The following CHMP4B variants were observed in gnomAD, a reference collection of about 807,000 sequenced individuals.
CHMP4B encodes SNF7 homolog associated with Alix 1.
CHMP4B carries 1 observed loss-of-function variant against 25.1 expected under a neutral mutation model. The ratio of observed to expected loss-of-function variants is 0.04; its 90% confidence interval spans 0.01 to 0.19. CHMP4B has a LOEUF of 0.19. CHMP4B is among the 10% of genes least tolerant of loss of function. The probability of loss-of-function intolerance (pLI) is 1.00; values close to 1 mark genes in which losing one functional copy is unlikely to be tolerated. For synonymous variants in CHMP4B, 101 were observed against 115.6 expected, an observed-to-expected ratio of 0.87 and a Z score of 0.81; for missense variants, 151 against 289.7, an observed-to-expected ratio of 0.52 and a Z score of 3.48.
intron 1 of CHMP4B, among the ~76,000 whole-genome samples, chr20:33,846,216 C>G (rs939027417): frequency 2.0e-5 from 3 of 152,176 alleles, no homozygotes; most frequent in Non-Finnish European, 4.4e-5. Flanking sequence ...TGCCAGTTAC[C>G]TGGGCTGAGT....
At chr20:33,848,705 A>G in intron 2 of CHMP4B, 61 bp downstream of exon 2, 1 of 1,578,380 alleles carries the variant, frequency 6.3e-7, no homozygotes, top group South Asian at 1.1e-5. Flanking sequence ...CCTCGTACCC[A>G]GGCCATGGCC....
At chr20:33,847,398 T>C (rs1287778651) in intron 1 of CHMP4B, among the ~76,000 whole-genome samples, 1 of 152,180 alleles carries the variant, frequency 6.6e-6, no homozygotes, top group Non-Finnish European at 1.5e-5. Context: ...TCTGGTCTCC[T>C]ACAGTCATAT....
rs1978823757 is a variant in CHMP4B, at chr20:33,817,831, C to T, written c.190+6173C>T. Among the ~76,000 whole-genome samples, 3 of 152,148 alleles carry T rather than the reference C, an allele frequency of 2.0e-5. No individual in the cohort carries two copies. In the South Asian group the frequency reaches 6.2e-4, roughly 32 times the overall value. ...TTAGAAGGGGAAAATCTGAGCATAG[C>T]AATGGGAAACTACAGATCTAGCTGT... On this transcript the variant is annotated intron_variant, in intron 1 of 4. Transcript: ENST00000217402.
intron 1 of CHMP4B, among the ~76,000 whole-genome samples, chr20:33,832,255 C>T (rs1189110833): frequency 6.6e-6 from 1 of 152,148 alleles, no homozygotes; most frequent in African/African-American, 2.4e-5. Context: ...GGAAGAAAAG[C>T]CAGTCGGAAA....
intron 1 of CHMP4B, among the ~76,000 whole-genome samples, chr20:33,821,552 G>C (rs984317692): frequency 1.3e-5 from 2 of 152,174 alleles, no homozygotes; most frequent in African/African-American, 4.8e-5. Context: ...TCCTCCAGTA[G>C]GCTGAGGAAT....
intron 1 of CHMP4B, among the ~76,000 whole-genome samples, chr20:33,838,169 T>C (rs1239163261): frequency 6.6e-6 from 1 of 152,234 alleles, no homozygotes; most frequent in African/African-American, 2.4e-5. Context: ...ACTTTGTTAC[T>C]TTGAGGAGGT....
intron 1 of CHMP4B, among the ~76,000 whole-genome samples, chr20:33,838,423 G>C (rs1221073544): frequency 6.6e-6 from 1 of 152,194 alleles, no homozygotes; most frequent in Non-Finnish European, 1.5e-5. Context: ...GATGGCTGCT[G>C]CTCTGCTCTA....
At chr20:33,834,786 A>T (rs1403106790) in intron 1 of CHMP4B, among the ~76,000 whole-genome samples, 1 of 151,954 alleles carries the variant, frequency 6.6e-6, no homozygotes, top group East Asian at 1.9e-4. Flanking sequence ...TCTGTTCGTG[A>T]TTCCTATTTA....
In CHMP4B at chr20:33,820,965, A is replaced by G. The variant is rs142483326; in HGVS notation, c.190+9307A>G. ...TAAATTTAGAGTATAGTTTATTCTG[A>G]TAATTAATTTGCTTAATTATTCAGT... is the stretch of plus-strand genomic sequence containing the variant. On this transcript the variant is annotated intron_variant, in intron 1 of 4. Transcript: ENST00000217402. Among the ~76,000 whole-genome samples, 267 of 152,368 alleles carry G rather than the reference A, an allele frequency of 1.8e-3. 1 individual carries two copies. The highest frequency in any genetic ancestry group is 6.2e-3 in the African/African-American group (258 of 41,586).
At chr20:33,835,075 C>T (rs541576447) in intron 1 of CHMP4B, among the ~76,000 whole-genome samples, 2 of 152,292 alleles carry the variant, frequency 1.3e-5, no homozygotes, top group South Asian at 2.1e-4. Flanking sequence ...GGATTACAAG[C>T]GTGAGCCATC....
rs1291441351 is a variant in CHMP4B at position 33,854,332 on chromosome 20, G to A, written c.*772G>A. 2 of 152,786 alleles carry A rather than the reference G, an allele frequency of 1.3e-5. No individual in the cohort carries two copies. 9.5% of individuals were successfully genotyped at this position (152,786 alleles called of 1,614,324 possible). On this transcript the variant is annotated 3_prime_UTR_variant, in exon 5 of 5. Transcript: ENST00000217402. The stretch of plus-strand genomic sequence containing the variant: ...TTATATTCAGATGAAATTATGGTTT[G>A]CACTGTCTATTAAATATCTCGATTA...
At chr20:33,851,223 C>T (rs1979838210) in intron 3 of CHMP4B, among the ~76,000 whole-genome samples, 157 bp downstream of exon 3, 1 of 152,206 alleles carries the variant, frequency 6.6e-6, no homozygotes, top group Non-Finnish European at 1.5e-5. Flanking sequence ...TTGAGGGACA[C>T]TTTCTCTATT....
chr20:33,853,414 G>A (rs549392296), intron 4 of CHMP4B, 82 bp from the exon 5 acceptor site: 1 of 1,302,610 alleles, frequency 7.7e-7, no homozygotes, highest in East Asian at 2.3e-5. Flanking sequence ...CAGACACCAT[G>A]GAGCACAGGC....
At chr20:33,843,502 C>T (rs1376981516) in intron 1 of CHMP4B, among the ~76,000 whole-genome samples, 1 of 152,180 alleles carries the variant, frequency 6.6e-6, no homozygotes, top group Non-Finnish European at 1.5e-5. Flanking sequence ...TTTAGCTGAA[C>T]AGCTTCTCTT....
At position 33,843,180 on chromosome 20, in the gene CHMP4B, A is replaced by C. The variant is rs530052015; in HGVS notation, c.191-5287A>C. Among the ~76,000 whole-genome samples, 9 of 152,330 alleles carry C rather than the reference A, an allele frequency of 5.9e-5. No homozygotes were observed. In the South Asian group the frequency reaches 1.9e-3, roughly 32 times the overall value. On this transcript the variant is annotated intron_variant, in intron 1 of 4. Coordinates refer to ENST00000217402, the MANE Select transcript of CHMP4B (RefSeq NM_176812.5). ...CTCTAAATAGCTGTTTGGAGGGGCTAATGAAGCAACTGTCTGGAGACCAAT... is the reference window on the plus strand; with the variant it reads ...CTCTAAATAGCTGTTTGGAGGGGCTCATGAAGCAACTGTCTGGAGACCAAT...
chr20:33,833,691 T>G (rs1193901521), intron 1 of CHMP4B, among the ~76,000 whole-genome samples: 1 of 152,218 alleles, frequency 6.6e-6, no homozygotes, highest in Non-Finnish European at 1.5e-5. Context: ...TTCCCTCCCC[T>G]ATTTTCTCAT....
In CHMP4B at chr20:33,811,701, C is replaced by G. The variant is rs764275596; in HGVS notation, c.190+43C>G. The G allele has an allele frequency of 4.4e-6, 7 of 1,591,252 alleles. No individual in the cohort carries two copies. In the Admixed American group the frequency reaches 8.8e-5, roughly 20 times the overall value. On this transcript the variant is annotated intron_variant, in intron 1 of 4. Coordinates refer to ENST00000217402, the MANE Select transcript of CHMP4B (RefSeq NM_176812.5). ...CTTCAGACTTGCCACGGGCTCCCCC[C>G]AGGCTCCCCGGGCCCGGACTTCACC...
chr20:33,838,609 C>T (rs976685746), intron 1 of CHMP4B, among the ~76,000 whole-genome samples: 1 of 152,226 alleles, frequency 6.6e-6, no homozygotes, highest in Non-Finnish European at 1.5e-5. Context: ...CATGGGTGCT[C>T]AGTTTTAGCC....
At chr20:33,818,184 A>T (rs1829895671) in intron 1 of CHMP4B, among the ~76,000 whole-genome samples, 1 of 152,216 alleles carries the variant, frequency 6.6e-6, no homozygotes, top group African/African-American at 2.4e-5. Context: ...AGTCTTAGGG[A>T]CAGTAAGGCT....
Sources: allele counts gnomAD v4.1 joint callset (sites outside exome capture counted in the v4.1 genomes callset), GRCh38; gene constraint gnomAD v4.1.1; transcripts MANE v1.5; gene names NCBI Gene and HGNC (gene_info 2026-07-23, HGNC 2026-07-21).